NECAB1: variants seen among roughly 807,000 people sequenced by gnomAD.
NECAB1 encodes the protein N-terminal EF-hand calcium-binding protein 1.
NECAB1 carries 29 observed loss-of-function variants against 57.5 expected under a neutral mutation model. The observed-to-expected ratio is 0.50, with a 90% CI of 0.38 to 0.69. NECAB1 has a LOEUF of 0.69. Ranked by LOEUF, NECAB1 falls within the 30% of genes least tolerant of loss-of-function variation. The probability of loss-of-function intolerance (pLI) is 0.00; values close to 1 mark genes in which losing one functional copy is unlikely to be tolerated. For missense variants in NECAB1, 372 were observed against 413.8 expected (o/e 0.90, Z 0.88); for synonymous variants, 142 against 147.7 (o/e 0.96, Z 0.28).
chr8:90,801,776 A>C (rs917531259), intron 2 of NECAB1, 61 bp downstream of exon 2: 3 of 1,115,498 alleles, frequency 2.7e-6, no homozygotes, highest in Non-Finnish European at 3.8e-6. Flanking sequence ...TTACCTTATA[A>C]ATAATAATCA....
At chr8:90,798,869 T>A (rs1482755094) in intron 1 of NECAB1, among the ~76,000 whole-genome samples, 1 of 152,198 alleles carries the variant, frequency 6.6e-6, no homozygotes, top group East Asian at 1.9e-4. Flanking sequence ...CTCTGAGAAA[T>A]CTCCAAACTG....
chr8:90,824,737 G>C lies in NECAB1; in HGVS notation c.145G>C (p.Glu49Gln). 6.5e-7 allele frequency: 1 copy of C among 1,542,118 alleles called. No homozygotes were observed. The highest frequency in any genetic ancestry group is 8.8e-7 in the Non-Finnish European group (1 of 1,140,860). ...DKNDDGKLSF[E>Q]EFKAYFADGV... ...TTCAGATGATGGAAAATTATCCTTTGAAGAATTCAAAGCATATTTTGCAGA... is the reference window on the plus strand; with the variant it reads ...TTCAGATGATGGAAAATTATCCTTTCAAGAATTCAAAGCATATTTTGCAGA... The change falls in exon 3 of 13, where the codon GAA becomes CAA. Residue 49 changes from glutamate (E) to glutamine (Q), a missense_variant. Physicochemically the swap from Glu to Gln is conservative, Grantham distance 29. Coordinates refer to ENST00000417640, the MANE Select transcript of NECAB1 (RefSeq NM_022351.5).
At chr8:90,877,597 A>T (rs1287890697) in intron 4 of NECAB1, among the ~76,000 whole-genome samples, 1 of 152,170 alleles carries the variant, frequency 6.6e-6, no homozygotes, top group Non-Finnish European at 1.5e-5. Context: ...ATTCAACAGG[A>T]CTGGAAGTGG....
intron 2 of NECAB1, among the ~76,000 whole-genome samples, chr8:90,823,174 C>T (rs1812172257): frequency 6.6e-6 from 1 of 151,798 alleles, no homozygotes; most frequent in Non-Finnish European, 1.5e-5. Context: ...GCTAAGCTGG[C>T]TTGGCCCAGG....
chr8:90,945,393 T>G (rs1426111275), intron 10 of NECAB1, among the ~76,000 whole-genome samples: 1 of 151,760 alleles, frequency 6.6e-6, no homozygotes, highest in Non-Finnish European at 1.5e-5. Flanking sequence ...AGAGACAGGG[T>G]TTCATCATGT....
chr8:90,906,912 T>TATGTA (rs1554574099), intron 5 of NECAB1, among the ~76,000 whole-genome samples: 3 of 143,846 alleles, frequency 2.1e-5, no homozygotes, highest in Admixed American at 7.0e-5. Context: ...TATATATATC[T>TATGTA]TCTCACTTTA....
intron 2 of NECAB1, among the ~76,000 whole-genome samples, chr8:90,803,523 G>A (rs191166401): frequency 1.0e-3 from 155 of 152,194 alleles, no homozygotes; most frequent in African/African-American, 3.6e-3. Flanking sequence ...AGAACAAAAA[G>A]CACTGAACAA....
At chr8:90,908,268 G>A (rs1233480131) in intron 5 of NECAB1, among the ~76,000 whole-genome samples, 1 of 152,140 alleles carries the variant, frequency 6.6e-6, no homozygotes, top group Non-Finnish European at 1.5e-5. Context: ...AAAGAAAAGT[G>A]TGTGAGCAAT....
At chr8:90,922,963 G>T (rs986522052) in intron 6 of NECAB1, among the ~76,000 whole-genome samples, 1 of 152,160 alleles carries the variant, frequency 6.6e-6, no homozygotes. Context: ...TAGAAGAAGA[G>T]CCAAAGGGAC....
At chr8:90,949,146 T>TTG (rs59311652) in intron 10 of NECAB1, among the ~76,000 whole-genome samples, 5,714 of 129,894 alleles carry the variant, frequency 0.044, 149 homozygotes, top group African/African-American at 0.064. Context: ...AACAGGCACT[T>TTG]TGTGTGTGTG....
intron 10 of NECAB1, among the ~76,000 whole-genome samples, chr8:90,945,267 CCT>C (rs1280280605): frequency 6.6e-6 from 1 of 151,832 alleles, no homozygotes; most frequent in Non-Finnish European, 1.5e-5. Flanking sequence ...AGGGTTTCAC[CCT>C]GTTGCCCAGG....
chr8:90,928,422 C>T (rs1463481308), intron 8 of NECAB1, 123 bp downstream of exon 8: 1 of 628,244 alleles, frequency 1.6e-6, no homozygotes, highest in African/African-American at 1.9e-5. Context: ...CCCAATGATT[C>T]TATGAATGGC....
intron 2 of NECAB1, among the ~76,000 whole-genome samples, chr8:90,817,101 C>A (rs1049563107): frequency 5.3e-5 from 8 of 151,632 alleles, no homozygotes; most frequent in Admixed American, 5.3e-4. Context: ...TTTCTAATTC[C>A]AATTGCTTAT....
At chr8:90,852,894 G>C (rs1181300077) in intron 3 of NECAB1, among the ~76,000 whole-genome samples, 1 of 152,240 alleles carries the variant, frequency 6.6e-6, no homozygotes, top group African/African-American at 2.4e-5. Context: ...GAGCTTGAGA[G>C]CCACAAGTGT....
chr8:90,917,881 T>C (rs185753701), intron 6 of NECAB1, among the ~76,000 whole-genome samples: 11 of 117,860 alleles, frequency 9.3e-5, no homozygotes, highest in East Asian at 3.1e-4. Flanking sequence ...TGTGTGTGTG[T>C]GCGTGTATAT....
intron 3 of NECAB1, among the ~76,000 whole-genome samples, chr8:90,829,599 A>T (rs1812273196): frequency 6.6e-6 from 1 of 152,056 alleles, no homozygotes; most frequent in Non-Finnish European, 1.5e-5. Flanking sequence ...GGCTAGAGAT[A>T]GATGACTGAT....
At chr8:90,842,346 A>C (rs1410280209) in intron 3 of NECAB1, among the ~76,000 whole-genome samples, 1 of 152,198 alleles carries the variant, frequency 6.6e-6, no homozygotes, top group Non-Finnish European at 1.5e-5. Context: ...CTATATGCCT[A>C]ACGAAGAGAT....
At chr8:90,903,118 G>GA (rs1453258772) in intron 5 of NECAB1, among the ~76,000 whole-genome samples, 1 of 151,628 alleles carries the variant, frequency 6.6e-6, no homozygotes, top group Non-Finnish European at 1.5e-5. Flanking sequence ...AGTTGGTTTT[G>GA]AAAAAACAAT....
chr8:90,793,498 G>T (rs193215414), intron 1 of NECAB1, among the ~76,000 whole-genome samples: 1 of 152,232 alleles, frequency 6.6e-6, no homozygotes, highest in East Asian at 1.9e-4. Flanking sequence ...CAGTCAGATG[G>T]TATTATTGGT....
Sources: gnomAD v4.1 joint callset for allele counts (sites outside exome capture counted in the v4.1 genomes callset) on GRCh38, gnomAD v4.1.1 for gene constraint, MANE v1.5 for transcripts, NCBI Gene and HGNC (gene_info 2026-07-23, HGNC 2026-07-21) for gene names.